The following KDM4C variants were observed in gnomAD, a reference collection of about 807,000 sequenced individuals.
KDM4C encodes lysine-specific demethylase 4C.
KDM4C carries 81 observed loss-of-function variants against 129.3 expected under a neutral mutation model. The observed-to-expected ratio is 0.63, with a 90% confidence interval of 0.52 to 0.75. The LOEUF (loss-of-function observed/expected upper bound fraction) is 0.75, where lower values mean the gene tolerates loss of function less well. KDM4C is among the 30% of genes least tolerant of loss of function. The probability of loss-of-function intolerance (pLI) is 0.00; values close to 1 mark genes in which losing one functional copy is unlikely to be tolerated. For synonymous variants in KDM4C, 573 were observed against 456.1 expected, an observed-to-expected ratio of 1.26 and a Z score of -3.26; for missense variants, 1,457 against 1,304.0, an observed-to-expected ratio of 1.12 and a Z score of -1.81.
intron 17 of KDM4C, among the ~76,000 whole-genome samples, chr9:7,055,200 T>A (rs981257348): frequency 6.6e-6 from 1 of 152,118 alleles, no homozygotes; most frequent in African/African-American, 2.4e-5. Context: ...ACACAAAAAA[T>A]TTGGCATTGT....
chr9:6,774,734 C>T (rs1334785492), intron 1 of KDM4C, among the ~76,000 whole-genome samples: 2 of 152,070 alleles, frequency 1.3e-5, no homozygotes, highest in Non-Finnish European at 2.9e-5. Context: ...TTGATTGTTT[C>T]ATCTTAAAAA....
intron 5 of KDM4C, among the ~76,000 whole-genome samples, chr9:6,858,176 C>T (rs762525540): frequency 4.6e-5 from 7 of 152,092 alleles, no homozygotes; most frequent in Non-Finnish European, 1.0e-4. Flanking sequence ...ACAGAAGACT[C>T]AGGGCAAAAT....
At chr9:6,968,760 C>A (rs1307383134) in intron 8 of KDM4C, among the ~76,000 whole-genome samples, 1 of 151,972 alleles carries the variant, frequency 6.6e-6, no homozygotes, top group African/African-American at 2.4e-5. Flanking sequence ...TTTTATATCT[C>A]TGTGGTTATT....
chr9:7,024,150 G>T (rs1206810375), intron 15 of KDM4C, among the ~76,000 whole-genome samples: 1 of 152,196 alleles, frequency 6.6e-6, no homozygotes, highest in East Asian at 1.9e-4. Flanking sequence ...GGTCGATTTG[G>T]TCTGTAGTGT....
rs147202555 is a variant in KDM4C at position 7,013,852 on chromosome 9, C to T, written c.2033C>T (p.Ser678Leu). ...ACAAAATTAGATGAAGTCGTTACAT[C>T]GGAGGGAAAGACTAAGCCCCTCATA... ...WETKLDEVVT[S>L]EGKTKPLIPE... Residue 678 changes from serine (S) to leucine (L), a missense_variant, in exon 14 of 22, where the codon TCG becomes TTG. Ser to Leu is a moderately radical substitution (Grantham distance 145, BLOSUM62 -2). Transcript: ENST00000381309. The T allele has an allele frequency of 1.3e-5, 21 of 1,613,852 alleles. No individual in the cohort carries two copies. Among genetic ancestry groups the T allele is most frequent in the Middle Eastern group, 1.6e-4 (1 of 6,084 alleles).
intron 15 of KDM4C, among the ~76,000 whole-genome samples, chr9:7,029,176 G>A (rs1337648516): frequency 1.3e-5 from 2 of 152,062 alleles, no homozygotes; most frequent in South Asian, 4.1e-4. Flanking sequence ...TACAGTTTGT[G>A]TCTAATCTGT....
Position 6,729,738 on chromosome 9 carries a change from T to C in KDM4C, c.49+8741T>C, listed in dbSNP as rs1438988937. ...CAGATGTCTGACCCATAAAAGCTAATGATTTCCAGCCAGATGTGCATATTT... is the reference window on the plus strand; with the variant it reads ...CAGATGTCTGACCCATAAAAGCTAACGATTTCCAGCCAGATGTGCATATTT... On this transcript the variant is annotated intron_variant, in intron 1 of 17. Coordinates refer to the KDM4C transcript ENST00000536108. 1.5e-5 allele frequency among the ~76,000 whole-genome samples: 2 copies of C among 134,376 alleles called. 1 individual carries two copies. Among genetic ancestry groups the C allele is most frequent in the Non-Finnish European group, 3.1e-5 (2 of 65,550 alleles). The allele number at this position is 134,376 out of a possible 152,430, so 88.2% of individuals were successfully genotyped here. A position where few individuals can be genotyped will look rare whatever the true frequency, so the allele number is the denominator to read the frequency against.
At chr9:7,174,421 G>A in intron 21 of KDM4C, 132 bp from the exon 22 acceptor site, 1 of 747,474 alleles carries the variant, frequency 1.3e-6, no homozygotes, top group Non-Finnish European at 2.2e-6. Flanking sequence ...AGCCATGCCT[G>A]GGGCCCTTTT....
rs116486672 is a variant in KDM4C at position 7,084,624 on chromosome 9, G to C, written c.2425-19061G>C. ...TTTTAAACAATCCGTCCATTTAGGAGCTGCATGATCTTAGTGTAGTTTTTG... is the reference window on the plus strand; with the variant it reads ...TTTTAAACAATCCGTCCATTTAGGACCTGCATGATCTTAGTGTAGTTTTTG... On this transcript the variant is annotated intron_variant, in intron 17 of 21. Coordinates refer to ENST00000381309, the MANE Select transcript of KDM4C (RefSeq NM_015061.6). Among the ~76,000 whole-genome samples, 1,156 of 152,312 alleles carry C rather than the reference G, an allele frequency of 7.6e-3. 22 individuals carry two copies. The highest frequency in any genetic ancestry group is 0.026 in the African/African-American group (1,075 of 41,558).
At chr9:7,008,973 A>G (rs1822191199) in intron 12 of KDM4C, among the ~76,000 whole-genome samples, 1 of 152,258 alleles carries the variant, frequency 6.6e-6, no homozygotes, top group South Asian at 2.1e-4. Flanking sequence ...TCATGGTCAC[A>G]AGAATCATGA....
chr9:6,798,077 T>C (rs944778830), intron 2 of KDM4C, among the ~76,000 whole-genome samples: 4 of 152,210 alleles, frequency 2.6e-5, no homozygotes, highest in African/African-American at 9.7e-5. Flanking sequence ...ATTTTTGTTA[T>C]AGAGCTGAAC....
rs79388283 is a variant in KDM4C at position 6,904,573 on chromosome 9, C to T, written c.921+11341C>T. Among the ~76,000 whole-genome samples the T allele has an allele frequency of 4.1e-4, 63 of 152,244 alleles. No individual in the cohort carries two copies. In the East Asian group the frequency reaches 0.011, roughly 26 times the overall value. The stretch of plus-strand genomic sequence containing the variant: ...ATGGTAGGTGGGCTTGTGCTTGGTG[C>T]ACGGGTCCAGTCTTGTCTTTGTTGA... On this transcript the variant is annotated intron_variant, in intron 8 of 21. Transcript: ENST00000381309.
At chr9:6,839,539 C>G (rs931255122) in intron 4 of KDM4C, among the ~76,000 whole-genome samples, 1 of 151,878 alleles carries the variant, frequency 6.6e-6, no homozygotes, top group South Asian at 2.1e-4. Context: ...CACGCCTGGC[C>G]AAATTTGTCT....
intron 5 of KDM4C, among the ~76,000 whole-genome samples, chr9:6,862,044 T>G (rs951478722): frequency 3.3e-5 from 5 of 152,148 alleles, no homozygotes; most frequent in Non-Finnish European, 7.4e-5. Context: ...AGTGCTGGGA[T>G]TACAGGTGTG....
chr9:6,939,976 A>ACCTACCTTCCGT (rs1458974643), intron 8 of KDM4C, among the ~76,000 whole-genome samples: 8 of 93,480 alleles, frequency 8.6e-5, no homozygotes, highest in Non-Finnish European at 1.6e-4. Context: ...CTACCTACCT[A>ACCTACCTTCCGT]CCTTCCTTCC....
intron 5 of KDM4C, among the ~76,000 whole-genome samples, chr9:6,869,952 A>C (rs1310421715): frequency 6.6e-6 from 1 of 152,266 alleles, no homozygotes; most frequent in East Asian, 1.9e-4. Flanking sequence ...ATGCACAAGT[A>C]TTAAAACTTG....
At chr9:6,762,963 T>C (rs965732820) in intron 1 of KDM4C, among the ~76,000 whole-genome samples, 1 of 151,660 alleles carries the variant, frequency 6.6e-6, no homozygotes, top group Non-Finnish European at 1.5e-5. Context: ...CCCGGCCAGG[T>C]CATTGTCTTT....
At position 6,952,185 on chromosome 9, in the gene KDM4C, C is replaced by A. The variant is rs577216750; in HGVS notation, c.922-28740C>A. Among the ~76,000 whole-genome samples, 12 of 151,894 alleles carry A rather than the reference C, an allele frequency of 7.9e-5. No individual in the cohort carries two copies. In the South Asian group the frequency reaches 8.3e-4, roughly 11 times the overall value. Reference sequence around the variant, plus strand: ...GACATTTTATTTCTGAAAAGTTGATCTAAGGATTTAGAAATAGTTATTGGT... The same window carrying A: ...GACATTTTATTTCTGAAAAGTTGATATAAGGATTTAGAAATAGTTATTGGT... On this transcript the variant is annotated intron_variant, in intron 8 of 21. Coordinates refer to ENST00000381309, the MANE Select transcript of KDM4C (RefSeq NM_015061.6).
intron 4 of KDM4C, among the ~76,000 whole-genome samples, chr9:6,828,321 G>C (rs780390475): frequency 6.6e-6 from 1 of 151,906 alleles, no homozygotes; most frequent in Non-Finnish European, 1.5e-5. Flanking sequence ...CTAATTTTTT[G>C]TATTTTTAGT....
Sources: allele counts gnomAD v4.1 joint callset (sites outside exome capture counted in the v4.1 genomes callset), GRCh38; gene constraint gnomAD v4.1.1; transcripts MANE v1.5; gene names NCBI Gene and HGNC (gene_info 2026-07-23, HGNC 2026-07-21).